Variants in TMPRSS15 observed in about 807,000 individuals in gnomAD.
The protein encoded by TMPRSS15 is enteropeptidase.
Under a neutral mutation model 125.3 loss-of-function variants are expected in TMPRSS15, and 128 were observed. That is an observed-to-expected ratio of 1.02 (90% CI 0.89 to 1.18). The LOEUF is 1.18. Among genes scored for constraint, TMPRSS15 ranks in the 50% most tolerant of loss-of-function variants. The pLI, the probability that TMPRSS15 is intolerant of heterozygous loss-of-function variation, is 0.00. For synonymous variants in TMPRSS15, 446 were observed against 423.2 expected (o/e 1.05, Z -0.66); for missense variants, 1,283 against 1,212.7 (o/e 1.06, Z -0.86).
At chr21:18,478,187 G>A (rs1002554645) in intron 1 of TMPRSS15, among the ~76,000 whole-genome samples, 6 of 151,952 alleles carry the variant, frequency 3.9e-5, no homozygotes, top group Non-Finnish European at 8.8e-5. Context: ...AAACGTTAAA[G>A]CAGCCTTTGG....
intron 1 of TMPRSS15, among the ~76,000 whole-genome samples, chr21:18,448,875 C>T (rs1002951589): frequency 6.6e-6 from 1 of 152,038 alleles, no homozygotes; most frequent in Non-Finnish European, 1.5e-5. Context: ...TAATGATAAA[C>T]TATTTCTTTC....
intron 1 of TMPRSS15, chr21:18,477,223 C>T (rs1252842884): frequency 6.6e-6 from 1 of 152,080 alleles, no homozygotes; most frequent in African/African-American, 2.4e-5. Flanking sequence ...GATTAACAAG[C>T]TCCTCAGAAC....
chr21:18,365,628 CTCTTT>C (rs1569035575), intron 6 of TMPRSS15, among the ~76,000 whole-genome samples: 6 of 63,082 alleles, frequency 9.5e-5, no homozygotes, highest in African/African-American at 4.0e-4. Flanking sequence ...CTCTTTCTTT[CTCTTT>C]CTCTCTCTTT....
At position 18,358,998 on chromosome 21, in the gene TMPRSS15, G is replaced by A. The variant is rs73323978; in HGVS notation, c.880+759C>T. Among the ~76,000 whole-genome samples, 1,384 of 152,026 alleles carry A rather than the reference G, an allele frequency of 9.1e-3. 26 individuals carry two copies. The highest frequency in any genetic ancestry group is 0.031 in the African/African-American group (1,307 of 41,494). ...CCAACCTTATCTTAGCTCTAGAACA[G>A]TTAACTATTTCTCCAACATGCGAGG... On this transcript the variant is annotated intron_variant, in intron 8 of 24. Coordinates refer to ENST00000284885, the MANE Select transcript of TMPRSS15 (RefSeq NM_002772.3).
intron 18 of TMPRSS15, among the ~76,000 whole-genome samples, chr21:18,298,049 TTAATG>T: frequency 6.6e-6 from 1 of 152,356 alleles, no homozygotes; most frequent in African/African-American, 2.4e-5. Context: ...CATTTTAACT[TTAATG>T]TAATATCTTT....
intron 1 of TMPRSS15, among the ~76,000 whole-genome samples, chr21:18,401,595 AG>A (rs2076095081): frequency 1.3e-5 from 2 of 152,310 alleles, no homozygotes; most frequent in South Asian, 4.1e-4. Flanking sequence ...GGAAAGTGGG[AG>A]AGGGGCAAGG....
chr21:18,366,369 A>G (rs1334675942), intron 6 of TMPRSS15, among the ~76,000 whole-genome samples: 1 of 152,094 alleles, frequency 6.6e-6, no homozygotes, highest in Non-Finnish European at 1.5e-5. Flanking sequence ...TGTTTTCTAT[A>G]TTTTCATTCA....
chr21:18,412,727 C>T (rs2076169177), intron 1 of TMPRSS15, among the ~76,000 whole-genome samples: 1 of 151,502 alleles, frequency 6.6e-6, no homozygotes, highest in South Asian at 2.1e-4. Flanking sequence ...AGTAACCCTG[C>T]TGCTGCTGCT....
chr21:18,273,196 C>A (rs2074580600), intron 24 of TMPRSS15, among the ~76,000 whole-genome samples: 1 of 152,152 alleles, frequency 6.6e-6, no homozygotes, highest in African/African-American at 2.4e-5. Flanking sequence ...GCCTTGAAAT[C>A]CAAACTACTA....
chr21:18,343,044 T>C (rs186375169), intron 12 of TMPRSS15, among the ~76,000 whole-genome samples: 1 of 152,184 alleles, frequency 6.6e-6, no homozygotes, highest in African/African-American at 2.4e-5. Context: ...CTACAGCTCA[T>C]ATAATTTGTT....
At chr21:18,339,467 T>G (rs8134450) in intron 13 of TMPRSS15, among the ~76,000 whole-genome samples, 74,365 of 152,008 alleles carry the variant, frequency 0.49, 18,605 homozygotes, top group South Asian at 0.57. Context: ...GAAAAAGATA[T>G]AGTTTTGGAA....
At chr21:18,421,781 G>A (rs2076192429) in intron 1 of TMPRSS15, among the ~76,000 whole-genome samples, 1 of 152,156 alleles carries the variant, frequency 6.6e-6, no homozygotes, top group Non-Finnish European at 1.5e-5. Flanking sequence ...TCCCCAGGAA[G>A]ATAATGGATT....
At chr21:18,301,856 T>C (rs1413721701) in intron 18 of TMPRSS15, among the ~76,000 whole-genome samples, 2 of 152,180 alleles carry the variant, frequency 1.3e-5, no homozygotes, top group Non-Finnish European at 2.9e-5. Context: ...AGGAAAACTT[T>C]ATTCCATGTG....
intron 13 of TMPRSS15, among the ~76,000 whole-genome samples, chr21:18,337,648 A>T (rs1246184852): frequency 6.6e-6 from 1 of 152,192 alleles, no homozygotes; most frequent in Non-Finnish European, 1.5e-5. Context: ...ACTAGGCACA[A>T]TGTGGGTTCC....
At chr21:18,312,197 G>A (rs2075107570) in intron 18 of TMPRSS15, among the ~76,000 whole-genome samples, 1 of 151,974 alleles carries the variant, frequency 6.6e-6, no homozygotes, top group Non-Finnish European at 1.5e-5. Context: ...TGCAAAATAA[G>A]TATGTTATTA....
intron 1 of TMPRSS15, among the ~76,000 whole-genome samples, chr21:18,412,582 T>C (rs1569063862): frequency 6.6e-6 from 1 of 152,214 alleles, no homozygotes; most frequent in African/African-American, 2.4e-5. Context: ...TCGTACTAGG[T>C]AAATACATAG....
chr21:18,271,317 C>T, intron 24 of TMPRSS15, among the ~76,000 whole-genome samples: 1 of 152,290 alleles, frequency 6.6e-6, no homozygotes, highest in East Asian at 1.9e-4. Context: ...TAAACTTCAG[C>T]TGTTTGGATA....
intron 13 of TMPRSS15, among the ~76,000 whole-genome samples, chr21:18,339,377 A>G (rs1270993953): frequency 6.6e-6 from 1 of 152,208 alleles, no homozygotes; most frequent in South Asian, 2.1e-4. Flanking sequence ...TTAAATACCC[A>G]TAATTAACCT....
chr21:18,314,432 C>G (rs2075136416), intron 17 of TMPRSS15, among the ~76,000 whole-genome samples: 1 of 152,152 alleles, frequency 6.6e-6, no homozygotes, highest in African/African-American at 2.4e-5. Context: ...GCACCCACCA[C>G]CACGCCTGGC....
Sources: gnomAD v4.1 joint callset for allele counts (sites outside exome capture counted in the v4.1 genomes callset) on GRCh38, gnomAD v4.1.1 for gene constraint, MANE v1.5 for transcripts, NCBI Gene and HGNC (gene_info 2026-07-23, HGNC 2026-07-21) for gene names.